DFFB: variants seen among roughly 807,000 people sequenced by gnomAD.
DFFB encodes the protein DNA fragmentation factor subunit beta, also known as DNA fragmentation factor 40 kDa subunit.
A neutral mutation model predicts 32.7 loss-of-function variants in DFFB; 29 were observed. The ratio of observed to expected loss-of-function variants is 0.89; its 90% CI spans 0.66 to 1.21. The LOEUF (loss-of-function observed/expected upper bound fraction) is 1.21. Among genes scored for constraint, DFFB ranks in the 50% most tolerant of loss-of-function variants. The pLI is 0.00. For missense variants in DFFB, 398 were observed against 440.6 expected, an observed-to-expected ratio of 0.90 and a Z score of 0.87; for synonymous variants, 170 against 177.1, an observed-to-expected ratio of 0.96 and a Z score of 0.32.
intron 5 of DFFB, among the ~76,000 whole-genome samples, chr1:3,871,187 G>A (rs553546305): frequency 2.6e-5 from 4 of 152,234 alleles, no homozygotes; most frequent in African/African-American, 9.6e-5. Context: ...TGATCACACG[G>A]GTAACAGTGA....
At chr1:3,864,324 G>T (rs186093773) in intron 2 of DFFB, among the ~76,000 whole-genome samples, 658 of 152,198 alleles carry the variant, frequency 4.3e-3, no homozygotes, top group African/African-American at 0.015. Context: ...TTTCAATAAA[G>T]CTACTTAAAA....
At chr1:3,871,133 T>C (rs948364626) in intron 5 of DFFB, among the ~76,000 whole-genome samples, 15 of 151,876 alleles carry the variant, frequency 9.9e-5, no homozygotes, top group African/African-American at 3.6e-4. Context: ...GGCAAGTCAG[T>C]ACCTTCCTGG....
chr1:3,881,960 A>G (rs1470863445), intron 6 of DFFB, among the ~76,000 whole-genome samples: 1 of 152,182 alleles, frequency 6.6e-6, no homozygotes, highest in Non-Finnish European at 1.5e-5. Flanking sequence ...CACCCACCAT[A>G]AGCCCTCCTG....
At chr1:3,860,856 A>G (rs1273117678) in intron 2 of DFFB, among the ~76,000 whole-genome samples, 1 of 152,080 alleles carries the variant, frequency 6.6e-6, no homozygotes, top group African/African-American at 2.4e-5. Context: ...TAATTTTGTC[A>G]TTTAAAGAAT....
In DFFB at chr1:3,867,966, C is replaced by T; in HGVS notation, c.431-8C>T. On this transcript the variant is annotated splice_polypyrimidine_tract_variant and splice_region_variant and intron_variant, in intron 3 of 6. Transcript: ENST00000378209. ...GTGGACTTGGGGGTCTTCTCGTTTTCCTTGCAGGCTTGGAGTCCCGATTTC... is the reference window on the plus strand; with the variant it reads ...GTGGACTTGGGGGTCTTCTCGTTTTTCTTGCAGGCTTGGAGTCCCGATTTC... 1 of 1,614,056 alleles carries T rather than the reference C, an allele frequency of 6.2e-7. No individual in the cohort carries two copies. The highest frequency in any genetic ancestry group is 1.7e-5 in the Admixed American group (1 of 60,012).
intron 5 of DFFB, among the ~76,000 whole-genome samples, chr1:3,870,436 TC>T (rs1201371094): frequency 6.6e-6 from 1 of 152,210 alleles, no homozygotes; most frequent in East Asian, 1.9e-4. Flanking sequence ...TCCTTGCTGC[TC>T]CTGCCAGGCA....
At chr1:3,858,913 A>G in intron 2 of DFFB, 69 bp downstream of exon 2, 2 of 1,587,606 alleles carry the variant, frequency 1.3e-6, no homozygotes, top group Non-Finnish European at 1.7e-6. Flanking sequence ...GCTTAGCTCC[A>G]GGTGCCCATC....
intron 6 of DFFB, among the ~76,000 whole-genome samples, chr1:3,877,328 GTTT>G (rs5772128): frequency 5.3e-5 from 6 of 113,892 alleles, no homozygotes; most frequent in Admixed American, 2.0e-4. Context: ...TGGGAGTTCA[GTTT>G]TTTTTTTTTT....
rs946657199 is a variant in DFFB, at chr1:3,865,089, A to G, written c.242-723A>G. Among the ~76,000 whole-genome samples the G allele has an allele frequency of 7.4e-5, 11 of 149,434 alleles. No homozygotes were observed. Among genetic ancestry groups the G allele is most frequent in the African/African-American group, 2.7e-4 (11 of 40,494 alleles). On this transcript the variant is annotated intron_variant, in intron 2 of 6. Coordinates refer to ENST00000378209, the MANE Select transcript of DFFB (RefSeq NM_004402.4). This position sits in a 1 kb window ranked among gnomAD's most constrained non-coding sequence, Gnocchi z 4.7. ...CTTAAGAGCATTTTTTTTTTTGCGG[A>G]GTAAGAGTTTTTAGTTTTGAGGAAG...
intron 6 of DFFB, among the ~76,000 whole-genome samples, chr1:3,882,242 G>GT (rs34172576): frequency 0.5 from 76,624 of 151,760 alleles, 19,598 homozygotes; most frequent in Non-Finnish European, 0.56. Flanking sequence ...TTTTGTAGAG[G>GT]TGGGGTTTCA....
In DFFB at chr1:3,868,062, G is replaced by A; in HGVS notation, c.510+9G>A. 1.2e-6 allele frequency: 2 copies of A among 1,613,782 alleles called. No individual in the cohort carries two copies. Reference sequence around the variant, plus strand: ...GGAGTTACCTGAGGGAGGTGAGCCTGAGTGAAGACCGGGTATGCTGGGCGG... The same window carrying A: ...GGAGTTACCTGAGGGAGGTGAGCCTAAGTGAAGACCGGGTATGCTGGGCGG... On this transcript the variant is annotated intron_variant, in intron 4 of 6. Transcript: ENST00000378209.
chr1:3,875,010 G>C (rs1226669497), intron 6 of DFFB, among the ~76,000 whole-genome samples: 1 of 152,204 alleles, frequency 6.6e-6, no homozygotes, highest in African/African-American at 2.4e-5. Flanking sequence ...ACACGCGTGT[G>C]GGTTTAACAT....
At chr1:3,860,509 A>G (rs143761084) in intron 2 of DFFB, 3 of 427,160 alleles carry the variant, frequency 7.0e-6, no homozygotes, top group East Asian at 7.4e-5. Flanking sequence ...GATTACAGGT[A>G]TGAGCCACTG....
At chr1:3,866,888 G>A (rs76013156) in intron 3 of DFFB, among the ~76,000 whole-genome samples, 4,266 of 152,172 alleles carry the variant, frequency 0.028, 110 homozygotes, top group East Asian at 0.12. Context: ...ATATCGTAGC[G>A]TATATCAAAA....
chr1:3,875,363 G>A (rs78782686), intron 6 of DFFB, among the ~76,000 whole-genome samples: 4,235 of 152,204 alleles, frequency 0.028, 171 homozygotes, highest in African/African-American at 0.097. Context: ...TGGGGTGTGC[G>A]TCCCAGCATG....
At position 3,867,540 on chromosome 1, in the gene DFFB, C is replaced by T. The variant is rs545418170; in HGVS notation, c.431-434C>T. On this transcript the variant is annotated intron_variant, in intron 3 of 6. Coordinates refer to ENST00000378209, the MANE Select transcript of DFFB (RefSeq NM_004402.4). ...CAAACAGGGATGCTGTCTGTGTCGCCATTAGAATACTTCTCAAGATGATGC... is the reference window on the plus strand; with the variant it reads ...CAAACAGGGATGCTGTCTGTGTCGCTATTAGAATACTTCTCAAGATGATGC... 1.2e-3 allele frequency: 195 copies of T among 161,610 alleles called. 1 individual carries two copies. The highest frequency in any genetic ancestry group is 2.4e-3 in the Non-Finnish European group (174 of 73,038). The allele number at this position is 161,610 out of a possible 1,614,324, so 10.0% of individuals were successfully genotyped here.
At chr1:3,872,278 T>C (rs1645130897) in intron 5 of DFFB, among the ~76,000 whole-genome samples, 194 bp from the exon 6 acceptor site, 1 of 152,088 alleles carries the variant, frequency 6.6e-6, no homozygotes, top group African/African-American at 2.4e-5. Flanking sequence ...CCGGGCCTGA[T>C]GGCGGGCACC....
At chr1:3,860,569 T>C (rs572254559) in intron 2 of DFFB, 4 of 321,462 alleles carry the variant, frequency 1.2e-5, no homozygotes, top group South Asian at 2.4e-5. Flanking sequence ...TCCCAGGAAG[T>C]TGCACAGATA....
chr1:3,865,261 C>A lies in DFFB; in HGVS notation c.242-551C>A, dbSNP rs1473167170. Among the ~76,000 whole-genome samples, 1 of 152,172 alleles carries A rather than the reference C, an allele frequency of 6.6e-6. No homozygotes were observed. The highest frequency in any genetic ancestry group is 2.4e-5 in the African/African-American group (1 of 41,424). ...GGCTTTTCTCATATGGTGGATCGCA[C>A]TGATCGATTTGCAGGTGTGAACCAG... On this transcript the variant is annotated intron_variant, in intron 2 of 6. Transcript: ENST00000378209. The surrounding 1 kb of genome is among the most constrained non-coding windows in gnomAD (Gnocchi z 4.7).
Sources: gnomAD v4.1 joint callset for allele counts (sites outside exome capture counted in the v4.1 genomes callset) on GRCh38, gnomAD v4.1.1 for gene constraint, Gnocchi (gnomAD v3.1) non-coding constraint, MANE v1.5 for transcripts, NCBI Gene and HGNC (gene_info 2026-07-23, HGNC 2026-07-21) for gene names.